Variants in NUP58 observed in about 807,000 individuals in gnomAD.
NUP58 encodes nucleoporin p58/p45.
Under a neutral mutation model 70.1 loss-of-function variants are expected in NUP58, and 17 were observed. That is an observed-to-expected ratio of 0.24 (90% CI 0.17 to 0.36). The LOEUF is 0.36. Among genes scored for constraint, NUP58 ranks in the 10% least tolerant of loss-of-function variants. The pLI, the probability that NUP58 is intolerant of heterozygous loss-of-function variation, is 1.00. For synonymous variants in NUP58, 275 were observed against 257.6 expected (o/e 1.07, Z -0.65); for missense variants, 644 against 701.5 (o/e 0.92, Z 0.93).
chr13:25,348,629 T>C (rs151157529), intron 3 of NUP58, among the ~76,000 whole-genome samples: 41 of 152,366 alleles, frequency 2.7e-4, no homozygotes, highest in African/African-American at 8.9e-4. Context: ...TGTTAGACTA[T>C]GCTGCTGTAG....
intron 1 of NUP58, among the ~76,000 whole-genome samples, chr13:25,306,071 G>A (rs897308989): frequency 6.6e-6 from 1 of 152,058 alleles, no homozygotes; most frequent in African/African-American, 2.4e-5. Context: ...AACATTTATT[G>A]AAGTTAATTC....
chr13:25,308,118 C>G (rs749348249), intron 2 of NUP58, 170 bp downstream of exon 2: 28 of 590,144 alleles, frequency 4.7e-5, no homozygotes, highest in Non-Finnish European at 7.1e-5. Context: ...TAGTGATAGG[C>G]CCAATCATTG....
Position 25,339,962 on chromosome 13 carries a change from A to G in NUP58, c.1631-3A>G, listed in dbSNP as rs2031904845. 1.3e-6 allele frequency: 2 copies of G among 1,579,832 alleles called. No individual in the cohort carries two copies. Among genetic ancestry groups the G allele is most frequent in the African/African-American group, 2.8e-5 (2 of 72,548 alleles). ...TATGAATATTTTTTTCCCTAAACATAAGGCTTTGGCAGCTCAAGTACATCT... is the reference window on the plus strand; with the variant it reads ...TATGAATATTTTTTTCCCTAAACATGAGGCTTTGGCAGCTCAAGTACATCT... On this transcript the variant is annotated splice_region_variant and splice_polypyrimidine_tract_variant and intron_variant, in intron 15 of 15. Transcript: ENST00000381736.
At chr13:25,331,211 A>G in intron 12 of NUP58, 146 bp from the exon 13 acceptor site, 3 of 702,738 alleles carry the variant, frequency 4.3e-6, no homozygotes, top group Middle Eastern at 4.0e-4. Flanking sequence ...CCTACACCAA[A>G]GTGCATTATT....
rs571303641 is a variant in NUP58, at chr13:25,342,071, C to T, written c.*1937C>T. 2 of 152,318 alleles carry T rather than the reference C, an allele frequency of 1.3e-5. No homozygotes were observed. Among genetic ancestry groups the T allele is most frequent in the Admixed American group, 6.5e-5 (1 of 15,288 alleles). The allele number at this position is 152,318 out of a possible 1,614,324, so 9.4% of individuals were successfully genotyped here. A position where few individuals can be genotyped will look rare whatever the true frequency, so the allele number is the denominator to read the frequency against. On this transcript the variant is annotated 3_prime_UTR_variant, in exon 16 of 16. Coordinates refer to ENST00000381736, the MANE Select transcript of NUP58 (RefSeq NM_014089.4). ...ATAAGGAAAATTATTTATCTCTGAG[C>T]ACTAAACTTATTTTTGCATATTTCT...
Position 25,315,499 on chromosome 13 carries a change from A to G in NUP58, c.685+32A>G, listed in dbSNP as rs757000992. On this transcript the variant is annotated intron_variant, in intron 6 of 15. Coordinates refer to ENST00000381736, the MANE Select transcript of NUP58 (RefSeq NM_014089.4). ...AATGCTGTTGTAACTTTATGTTTTA[A>G]CAGTTCTGTTGAGGGAATGTCTAGG... is the stretch of plus-strand genomic sequence containing the variant. 8.1e-6 allele frequency: 12 copies of G among 1,488,654 alleles called. No individual in the cohort carries two copies. In the South Asian group the frequency reaches 1.3e-4, roughly 16 times the overall value. The allele number at this position is 1,488,654 out of a possible 1,614,324, so 92.2% of individuals were successfully genotyped here.
Position 25,304,578 on chromosome 13 carries a change from G to A in NUP58, c.107+2698G>A, listed in dbSNP as rs191274860. On this transcript the variant is annotated intron_variant, in intron 1 of 15. Transcript: ENST00000381736. ...GTTACCCAGCCTGGAGTGCAATGGC[G>A]TGATCTTGGCTCATTGCAACCTCCA... is the stretch of plus-strand genomic sequence containing the variant. 2.5e-3 allele frequency among the ~76,000 whole-genome samples: 365 copies of A among 145,144 alleles called. No individual in the cohort carries two copies. In the Middle Eastern group the frequency reaches 0.029, roughly 12 times the overall value.
chr13:25,330,737 G>A (rs570263611), intron 12 of NUP58, among the ~76,000 whole-genome samples: 15 of 152,088 alleles, frequency 9.9e-5, no homozygotes, highest in African/African-American at 3.6e-4. Context: ...TCTTTGAGGC[G>A]GGTGGTTGGG....
chr13:25,343,797 A>ATACATATG (rs1491267114), downstream of NUP58, among the ~76,000 whole-genome samples: 34 of 98,626 alleles, frequency 3.4e-4, no homozygotes, highest in African/African-American at 1.5e-3. Flanking sequence ...AGTATTCCAC[A>ATACATATG]TATATATGTA....
At chr13:25,338,595 T>C in intron 14 of NUP58, 41 bp from the exon 15 acceptor site, 2 of 1,436,718 alleles carry the variant, frequency 1.4e-6, no homozygotes, top group South Asian at 2.3e-5. Context: ...TAACCTGTGT[T>C]TTATGTGCCA....
intron 9 of NUP58, among the ~76,000 whole-genome samples, chr13:25,321,368 A>G (rs150543704): frequency 5.4e-4 from 82 of 152,298 alleles, no homozygotes; most frequent in South Asian, 2.9e-3. Context: ...TTATATAAAT[A>G]AGAAAAAAAG....
At chr13:25,335,434 A>G (rs2031746826) in intron 13 of NUP58, 1 of 985,322 alleles carries the variant, frequency 1.0e-6, no homozygotes, top group African/African-American at 1.7e-5. Context: ...ATGTTAAAGA[A>G]CTGGACATGT....
downstream of NUP58, among the ~76,000 whole-genome samples, chr13:25,346,491 G>A (rs947409366): frequency 1.3e-5 from 2 of 152,068 alleles, no homozygotes; most frequent in South Asian, 2.1e-4. Context: ...AGGCTGAGGT[G>A]GGCAGATCAC....
chr13:25,312,745 A>T, intron 3 of NUP58, 138 bp from the exon 4 acceptor site: 1 of 727,748 alleles, frequency 1.4e-6, no homozygotes, highest in Non-Finnish European at 2.2e-6. Flanking sequence ...ATTTTCTCTC[A>T]CAGATACACC....
intron 12 of NUP58, among the ~76,000 whole-genome samples, chr13:25,330,227 G>T (rs906747810): frequency 2.0e-5 from 3 of 152,180 alleles, no homozygotes; most frequent in Admixed American, 6.5e-5. Context: ...ACTGATGCTT[G>T]CCCAGGACAA....
downstream of NUP58, among the ~76,000 whole-genome samples, chr13:25,347,324 C>G (rs1376092625): frequency 5.9e-5 from 9 of 152,140 alleles, no homozygotes; most frequent in Non-Finnish European, 1.3e-4. Context: ...CAGTTGCATA[C>G]TTCTGCTCAT....
intron 5 of NUP58, 111 bp from the exon 6 acceptor site, chr13:25,315,246 A>G (rs2030871544): frequency 1.3e-6 from 1 of 786,934 alleles, no homozygotes; most frequent in South Asian, 1.8e-5. Flanking sequence ...GCCTAAATCA[A>G]ATATGAAGAA....
chr13:25,331,884 T>A, intron 13 of NUP58: 1 of 1,116,274 alleles, frequency 9.0e-7, no homozygotes, highest in Non-Finnish European at 1.1e-6. Context: ...AAATCATGAC[T>A]GTACCATTTA....
At position 25,331,554 on chromosome 13, in the gene NUP58, T is replaced by C. The variant is rs1593197025; in HGVS notation, c.1431T>C (p.Ala477=). Residue 477 remains alanine (A), a synonymous_variant, in exon 13 of 16, where the codon GCT becomes GCC. Coordinates refer to ENST00000381736, the MANE Select transcript of NUP58 (RefSeq NM_014089.4). ...AATLTQQQQP[A]TGPQPSLGVS... ...CACTTACACAGCAGCAACAGCCTGC[T>C]ACAGGTCTGAACGCATTCAAGTTAT... The C allele has an allele frequency of 6.2e-7, 1 of 1,613,822 alleles. No individual in the cohort carries two copies. Among genetic ancestry groups the C allele is most frequent in the African/African-American group, 1.3e-5 (1 of 75,050 alleles).
Sources: allele counts gnomAD v4.1 joint callset (sites outside exome capture counted in the v4.1 genomes callset), GRCh38; gene constraint gnomAD v4.1.1; transcripts MANE v1.5; gene names NCBI Gene and HGNC (gene_info 2026-07-23, HGNC 2026-07-21).